RHOBTB1: variants seen among roughly 807,000 people sequenced by gnomAD.
The protein encoded by RHOBTB1 is rho-related BTB domain-containing protein 1.
Under a neutral mutation model 71.6 loss-of-function variants are expected in RHOBTB1, and 40 were observed. That is an observed-to-expected ratio of 0.56 (90% CI 0.43 to 0.73). RHOBTB1 has a LOEUF of 0.73. Among genes scored for constraint, RHOBTB1 ranks in the 30% least tolerant of loss-of-function variants. The pLI is 0.00. For synonymous variants in RHOBTB1, 319 were observed against 334.9 expected (o/e 0.95, Z 0.52); for missense variants, 797 against 894.0 (o/e 0.89, Z 1.38).
chr10:60,956,205 C>A (rs2085587016), intron 2 of RHOBTB1, among the ~76,000 whole-genome samples: 1 of 152,036 alleles, frequency 6.6e-6, no homozygotes, highest in Non-Finnish European at 1.5e-5. Context: ...AATTGTAACA[C>A]AATGATCAGT....
At chr10:60,920,957 T>G (rs1476675738) in intron 2 of RHOBTB1, among the ~76,000 whole-genome samples, 5 of 33,578 alleles carry the variant, frequency 1.5e-4, no homozygotes, top group African/African-American at 3.1e-4. Context: ...TTTTTTTTGT[T>G]TTTTTTTTTT....
chr10:60,862,842 T>C, the RHOBTB1 span, among the ~76,000 whole-genome samples: 1 of 129,994 alleles, frequency 7.7e-6, no homozygotes. Context: ...CCTCCCTCCC[T>C]CTCTCCCTCC....
At chr10:60,901,726 T>C (rs1270268437) in intron 4 of RHOBTB1, among the ~76,000 whole-genome samples, 3 of 152,248 alleles carry the variant, frequency 2.0e-5, no homozygotes, top group African/African-American at 4.8e-5. Flanking sequence ...ACATACTTAG[T>C]TGTATTTGAC....
intron 4 of RHOBTB1, among the ~76,000 whole-genome samples, chr10:60,895,315 GTCT>G (rs962512838): frequency 2.6e-5 from 4 of 152,270 alleles, no homozygotes; most frequent in African/African-American, 7.2e-5. Flanking sequence ...CAGAAAAAAG[GTCT>G]TCTTTTTTTT....
chr10:60,937,751 T>TA (rs2084672743), intron 2 of RHOBTB1, among the ~76,000 whole-genome samples: 1 of 152,222 alleles, frequency 6.6e-6, no homozygotes, highest in Non-Finnish European at 1.5e-5. Flanking sequence ...AAGGTTCCTA[T>TA]AACCATTCCT....
At chr10:60,913,347 C>G (rs967291843) in intron 2 of RHOBTB1, among the ~76,000 whole-genome samples, 13 of 152,090 alleles carry the variant, frequency 8.5e-5, no homozygotes, top group African/African-American at 2.9e-4. Flanking sequence ...TGGAGAGGCT[C>G]AAAACAGTCA....
chr10:60,993,774 CT>C (rs146841322), intron 1 of RHOBTB1, among the ~76,000 whole-genome samples: 76 of 148,742 alleles, frequency 5.1e-4, no homozygotes, highest in Middle Eastern at 3.4e-3. Context: ...TATAGGTAGT[CT>C]TTTTTTTTTC....
At chr10:60,881,971 A>G (rs2081346764) in intron 7 of RHOBTB1, among the ~76,000 whole-genome samples, 1 of 152,140 alleles carries the variant, frequency 6.6e-6, no homozygotes, top group South Asian at 2.1e-4. Flanking sequence ...GGACCTTTAG[A>G]AAAAAACATT....
chr10:60,998,802 T>C (rs1313445698), intron 1 of RHOBTB1, among the ~76,000 whole-genome samples: 1 of 152,208 alleles, frequency 6.6e-6, no homozygotes, highest in Non-Finnish European at 1.5e-5. Context: ...TGAGGTCAAA[T>C]GGCTAATTAA....
intron 1 of RHOBTB1, among the ~76,000 whole-genome samples, chr10:60,989,846 G>A (rs946026050): frequency 6.6e-6 from 1 of 152,092 alleles, no homozygotes; most frequent in Non-Finnish European, 1.5e-5. Context: ...GCACTGCTTC[G>A]TGACATTTAT....
At position 60,888,713 on chromosome 10, in the gene RHOBTB1, C is replaced by T. The variant is rs747295434; in HGVS notation, c.955G>A (p.Asp319Asn). ...GACEKEKQSRDFQGRILSVDP... is the reference protein window; with the variant it reads ...GACEKEKQSRNFQGRILSVDP... ...ACACTCAATATCCGCCCCTGGAAAT[C>T]TCTGCTCTGCTTCTCTTTCTCACAG... The change falls in exon 6 of 11, where the codon GAT becomes AAT. Residue 319 changes from aspartate to asparagine, a missense_variant. Coordinates refer to ENST00000337910, the MANE Select transcript of RHOBTB1 (RefSeq NM_014836.5). 3 of 1,614,204 alleles carry T rather than the reference C, an allele frequency of 1.9e-6. No individual in the cohort carries two copies. Among genetic ancestry groups the T allele is most frequent in the Non-Finnish European group, 2.5e-6 (3 of 1,180,026 alleles).
intron 2 of RHOBTB1, among the ~76,000 whole-genome samples, chr10:60,934,403 C>T (rs1378225175): frequency 6.6e-6 from 1 of 152,080 alleles, no homozygotes; most frequent in Non-Finnish European, 1.5e-5. Context: ...CCTACATAGC[C>T]CCTCAGCATA....
intron 1 of RHOBTB1, among the ~76,000 whole-genome samples, chr10:60,943,485 G>C (rs1358808123): frequency 1.3e-5 from 2 of 152,128 alleles, no homozygotes; most frequent in African/African-American, 4.8e-5. Context: ...CCATAGACAC[G>C]GGGTTGCGGG....
chr10:60,941,166 T>G (rs960840289), intron 2 of RHOBTB1, among the ~76,000 whole-genome samples: 1 of 152,334 alleles, frequency 6.6e-6, no homozygotes, highest in East Asian at 1.9e-4. Context: ...GTTTCCCTAC[T>G]GGAAAACAAT....
intron 2 of RHOBTB1, among the ~76,000 whole-genome samples, chr10:60,919,836 G>A (rs1371853054): frequency 6.6e-6 from 1 of 152,158 alleles, no homozygotes; most frequent in African/African-American, 2.4e-5. Flanking sequence ...CAAGATCAGT[G>A]GGGGAGATGA....
chr10:60,875,575 A>T (rs1186114008), intron 8 of RHOBTB1, among the ~76,000 whole-genome samples: 1 of 152,132 alleles, frequency 6.6e-6, no homozygotes, highest in Non-Finnish European at 1.5e-5. Context: ...CCCCACTCAC[A>T]TCACTGCAAT....
At chr10:60,929,141 T>G (rs2084076128) in intron 2 of RHOBTB1, among the ~76,000 whole-genome samples, 1 of 152,168 alleles carries the variant, frequency 6.6e-6, no homozygotes, top group South Asian at 2.1e-4. Context: ...ACCAGGCCCC[T>G]CCTTCAACAT....
chr10:60,979,063 T>C (rs2086407532), intron 2 of RHOBTB1, among the ~76,000 whole-genome samples: 1 of 152,184 alleles, frequency 6.6e-6, no homozygotes. Context: ...TTCCTTGTCA[T>C]CAGTAGGTAG....
intron 4 of RHOBTB1, among the ~76,000 whole-genome samples, chr10:60,895,883 A>C (rs941671936): frequency 1.3e-5 from 2 of 152,268 alleles, no homozygotes; most frequent in African/African-American, 4.8e-5. Flanking sequence ...AAGCATTAGG[A>C]ATCAATGGAC....
Sources: allele counts gnomAD v4.1 joint callset (sites outside exome capture counted in the v4.1 genomes callset), GRCh38; gene constraint gnomAD v4.1.1; transcripts MANE v1.5; gene names NCBI Gene and HGNC (gene_info 2026-07-23, HGNC 2026-07-21).